Variants in MDGA2 observed in about 807,000 individuals in gnomAD.
MDGA2 encodes the protein MAM domain containing glycosylphosphatidylinositol anchor 2.
A neutral mutation model predicts 117.8 loss-of-function variants in MDGA2; 40 were observed. The ratio of observed to expected loss-of-function variants is 0.34; its 90% CI spans 0.26 to 0.44. The LOEUF (loss-of-function observed/expected upper bound fraction) is 0.44, where lower values mean the gene tolerates loss of function less well. MDGA2 is among the 20% of genes least tolerant of loss of function. The pLI, the probability that MDGA2 is intolerant of heterozygous loss-of-function variation, is 1.00. For missense variants in MDGA2, 1,123 were observed against 1,250.6 expected, an observed-to-expected ratio of 0.90 and a Z score of 1.54; for synonymous variants, 452 against 439.0, an observed-to-expected ratio of 1.03 and a Z score of -0.37.
intron 3 of MDGA2, among the ~76,000 whole-genome samples, chr14:47,172,708 G>A (rs1462116272): frequency 2.6e-5 from 4 of 152,152 alleles, no homozygotes; most frequent in East Asian, 1.9e-4. Context: ...AAAAAACAGA[G>A]CAGAAAAACT....
chr14:47,388,644 T>C (rs1424419083), intron 1 of MDGA2, among the ~76,000 whole-genome samples: 1 of 152,184 alleles, frequency 6.6e-6, no homozygotes. Flanking sequence ...CCAAGTAGCA[T>C]CTTGAACAGA....
intron 1 of MDGA2, among the ~76,000 whole-genome samples, chr14:47,597,843 C>CAT (rs1491049068): frequency 2.0e-5 from 2 of 100,428 alleles, no homozygotes. Context: ...ACCACACACA[C>CAT]ATACACACAC....
At chr14:46,880,798 G>A (rs1170401101) in intron 11 of MDGA2, among the ~76,000 whole-genome samples, 28 of 47,864 alleles carry the variant, frequency 5.8e-4, no homozygotes, top group Admixed American at 2.7e-3. Context: ...GCAAAATCCC[G>A]TCTCCAAAAA....
At chr14:47,137,056 T>G (rs1882492467) in intron 4 of MDGA2, among the ~76,000 whole-genome samples, 1 of 152,226 alleles carries the variant, frequency 6.6e-6, no homozygotes, top group Non-Finnish European at 1.5e-5. Context: ...TTGTAAAGGA[T>G]GCATCCTTAA....
At chr14:46,996,372 C>A (rs1887291851) in intron 8 of MDGA2, 1 of 152,154 alleles carries the variant, frequency 6.6e-6, no homozygotes, top group Non-Finnish European at 1.5e-5. Flanking sequence ...GGGCCTCTTT[C>A]CTGAGGGAAC....
chr14:47,288,005 G>A (rs1235924705), intron 2 of MDGA2, among the ~76,000 whole-genome samples: 2 of 152,164 alleles, frequency 1.3e-5, no homozygotes, highest in Admixed American at 6.6e-5. Flanking sequence ...ATCTCAGAGG[G>A]ATGATGGCCC....
chr14:47,285,553 G>A (rs1307968494), intron 2 of MDGA2, among the ~76,000 whole-genome samples: 4 of 152,110 alleles, frequency 2.6e-5, no homozygotes, highest in Non-Finnish European at 4.4e-5. Context: ...CAAAAGTAAT[G>A]TAGAGGGTTT....
intron 2 of MDGA2, among the ~76,000 whole-genome samples, chr14:47,272,553 T>C (rs1888179640): frequency 6.6e-6 from 1 of 152,172 alleles, no homozygotes; most frequent in African/African-American, 2.4e-5. Context: ...CTTAAACTCA[T>C]ATCCAGGGTT....
chr14:47,152,978 T>C (rs1413634237), intron 3 of MDGA2, among the ~76,000 whole-genome samples: 1 of 152,168 alleles, frequency 6.6e-6, no homozygotes, highest in Admixed American at 6.5e-5. Context: ...GTAGCACACA[T>C]AAAGCTCTGA....
At chr14:47,462,390 A>G (rs961567572) in intron 1 of MDGA2, among the ~76,000 whole-genome samples, 1 of 151,462 alleles carries the variant, frequency 6.6e-6, no homozygotes. Flanking sequence ...AAAAAAAAAA[A>G]AAGAAAGAAA....
At chr14:47,046,852 G>A (rs1463377000) in intron 7 of MDGA2, among the ~76,000 whole-genome samples, 7 of 151,914 alleles carry the variant, frequency 4.6e-5, no homozygotes, top group Non-Finnish European at 7.4e-5. Flanking sequence ...CTTGCTCTTA[G>A]AAATGGTGCC....
At chr14:47,615,022 T>C (rs917622003) in intron 1 of MDGA2, among the ~76,000 whole-genome samples, 1 of 152,160 alleles carries the variant, frequency 6.6e-6, no homozygotes, top group Non-Finnish European at 1.5e-5. Flanking sequence ...TAAGCACCTA[T>C]TTGCTTTATT....
intron 1 of MDGA2, among the ~76,000 whole-genome samples, chr14:47,425,598 C>G (rs1239591466): frequency 6.6e-6 from 1 of 151,970 alleles, no homozygotes; most frequent in Non-Finnish European, 1.5e-5. Context: ...TCAGGAATGT[C>G]AAGGAGTGTT....
chr14:47,425,646 T>C (rs910750311), intron 1 of MDGA2, among the ~76,000 whole-genome samples: 6 of 152,154 alleles, frequency 3.9e-5, no homozygotes, highest in African/African-American at 1.4e-4. Flanking sequence ...AAAGGCTACT[T>C]TCTCCAGAGA....
intron 9 of MDGA2, among the ~76,000 whole-genome samples, chr14:46,928,735 C>T (rs191085494): frequency 6.6e-6 from 1 of 152,226 alleles, no homozygotes; most frequent in Admixed American, 6.5e-5. Flanking sequence ...TCTTTTAATA[C>T]CAAAATCATG....
At chr14:47,558,615 C>T (rs747734839) in intron 1 of MDGA2, among the ~76,000 whole-genome samples, 6 of 152,208 alleles carry the variant, frequency 3.9e-5, no homozygotes, top group Non-Finnish European at 7.3e-5. Context: ...GGAGAGCACA[C>T]GTGCACATCC....
intron 2 of MDGA2, among the ~76,000 whole-genome samples, chr14:47,274,764 A>G (rs981997158): frequency 1.3e-5 from 2 of 152,096 alleles, no homozygotes; most frequent in East Asian, 3.9e-4. Context: ...ATTTTAGTGA[A>G]TATAAAGTGG....
chr14:46,930,125 TGAAAAGA>T (rs1884511529), intron 9 of MDGA2, among the ~76,000 whole-genome samples: 1 of 148,952 alleles, frequency 6.7e-6, no homozygotes, highest in African/African-American at 2.5e-5. Context: ...AAAAAAAAAC[TGAAAAGA>T]TTGAGAAGTT....
intron 6 of MDGA2, among the ~76,000 whole-genome samples, chr14:47,076,537 T>C (rs1890499062): frequency 7.1e-6 from 1 of 140,870 alleles, no homozygotes; most frequent in African/African-American, 2.7e-5. Flanking sequence ...TGTATGAGTG[T>C]GTGTTATGTA....
Sources: allele counts gnomAD v4.1 joint callset (sites outside exome capture counted in the v4.1 genomes callset), GRCh38; gene constraint gnomAD v4.1.1; transcripts MANE v1.5; gene names NCBI Gene and HGNC (gene_info 2026-07-23, HGNC 2026-07-21).